The following RNF38 variants were observed in gnomAD, a reference collection of about 807,000 sequenced individuals.
The protein encoded by RNF38 is ring finger protein 38.
A neutral mutation model predicts 67.2 loss-of-function variants in RNF38; 15 were observed. The observed-to-expected ratio is 0.22, with a 90% CI of 0.15 to 0.34. The LOEUF (loss-of-function observed/expected upper bound fraction) is 0.34, where lower values mean the gene tolerates loss of function less well. Ranked by LOEUF, RNF38 falls within the 10% of genes least tolerant of loss-of-function variation. RNF38 has a pLI of 1.00. For synonymous variants in RNF38, 220 were observed against 218.8 expected (o/e 1.01, Z -0.05); for missense variants, 524 against 639.9 (o/e 0.82, Z 1.95).
chr9:36,485,020 T>C (rs1299233709), intron 1 of RNF38, among the ~76,000 whole-genome samples: 2 of 151,846 alleles, frequency 1.3e-5, no homozygotes, highest in Non-Finnish European at 2.9e-5. Context: ...CAAAAAAAAA[T>C]TAGCCGGGCA....
At chr9:36,468,486 T>A (rs1303145128) in intron 1 of RNF38, among the ~76,000 whole-genome samples, 2 of 152,072 alleles carry the variant, frequency 1.3e-5, no homozygotes, top group East Asian at 1.9e-4. Flanking sequence ...AGAAAAGATA[T>A]CCAGCCCAGA....
chr9:36,343,136 T>C (rs1354715855), intron 10 of RNF38, among the ~76,000 whole-genome samples: 1 of 152,226 alleles, frequency 6.6e-6, no homozygotes, highest in Non-Finnish European at 1.5e-5. Context: ...ATTGTTATTT[T>C]CTATTTTTAT....
rs762544541 is a variant in RNF38 at position 36,352,816 on chromosome 9, T to C, written c.1104A>G (p.Thr368=). Residue 368 remains threonine, a synonymous_variant, in exon 8 of 12, where the codon ACA becomes ACG. Coordinates refer to ENST00000259605, the MANE Select transcript of RNF38 (RefSeq NM_022781.5). ...PYPPFMPRRL[T]GRSRYRSQQP... is the part of the protein sequence containing the mutation. The stretch of plus-strand genomic sequence containing the variant: ...GCTGGGATCGGTATCTACTACGTCC[T>C]GTAAGCCTCCGAGGCATAAATGGAG... 1.2e-6 allele frequency: 2 copies of C among 1,614,036 alleles called. No individual in the cohort carries two copies. Among genetic ancestry groups the C allele is most frequent in the South Asian group, 2.2e-5 (2 of 91,066 alleles).
intron 6 of RNF38, 31 bp from the exon 7 acceptor site, chr9:36,353,362 G>A (rs1564002391): frequency 7.6e-6 from 10 of 1,315,484 alleles, no homozygotes; most frequent in South Asian, 1.5e-5. Flanking sequence ...ACACATATAT[G>A]TATATATATA....
chr9:36,369,113 C>T (rs1461448023), intron 4 of RNF38, among the ~76,000 whole-genome samples: 1 of 152,104 alleles, frequency 6.6e-6, no homozygotes, highest in African/African-American at 2.4e-5. Flanking sequence ...TTGAATTATT[C>T]CAGAAGAAAC....
chr9:36,402,455 T>C (rs1838072492), upstream of RNF38, among the ~76,000 whole-genome samples: 1 of 151,474 alleles, frequency 6.6e-6, no homozygotes, highest in Non-Finnish European at 1.5e-5. Context: ...TACTGTGGAT[T>C]CGCCTTCCAA....
chr9:36,397,103 TG>T (rs1292870727), intron 1 of RNF38, among the ~76,000 whole-genome samples: 344 of 118,498 alleles, frequency 2.9e-3, no homozygotes, highest in Middle Eastern at 0.016. Flanking sequence ...ATATATGTTT[TG>T]TTTTTTTTTT....
chr9:36,376,888 G>T (rs9407036), intron 2 of RNF38, among the ~76,000 whole-genome samples: 7,919 of 144,508 alleles, frequency 0.055, 658 homozygotes, highest in African/African-American at 0.18. Flanking sequence ...ATCACGCCAT[G>T]GCACCCCAGC....
intron 1 of RNF38, among the ~76,000 whole-genome samples, chr9:36,476,198 C>T (rs1466412735): frequency 2.0e-5 from 3 of 152,104 alleles, no homozygotes; most frequent in African/African-American, 7.2e-5. Context: ...GATCTCGACT[C>T]ACTGCAACCA....
chr9:36,409,325 A>AAAAG (rs1205175097), intron 2 of RNF38, among the ~76,000 whole-genome samples: 66 of 140,024 alleles, frequency 4.7e-4, no homozygotes, highest in East Asian at 2.9e-3. Flanking sequence ...GAAAGAAAGA[A>AAAAG]AAAGAAAGAA....
At chr9:36,429,227 G>A (rs1298949503) in intron 1 of RNF38, among the ~76,000 whole-genome samples, 1 of 152,132 alleles carries the variant, frequency 6.6e-6, no homozygotes. Flanking sequence ...GATGAAAAAA[G>A]AATCCCATTG....
chr9:36,429,899 T>C (rs377476508), intron 1 of RNF38, among the ~76,000 whole-genome samples: 264 of 152,362 alleles, frequency 1.7e-3, no homozygotes, highest in African/African-American at 6.0e-3. Flanking sequence ...TTTTTCCTGA[T>C]ATTTTCCATG....
At chr9:36,462,469 A>C (rs1437242986) in intron 1 of RNF38, among the ~76,000 whole-genome samples, 1 of 152,144 alleles carries the variant, frequency 6.6e-6, no homozygotes, top group East Asian at 1.9e-4. Flanking sequence ...CAGTGATCTC[A>C]TCTCATTCAG....
rs539766222 is a variant in RNF38 at position 36,393,082 on chromosome 9, C to T, written c.13-2466G>A. On this transcript the variant is annotated intron_variant, in intron 1 of 11. Coordinates refer to ENST00000259605, the MANE Select transcript of RNF38 (RefSeq NM_022781.5). ...AGCTTTTCATTTGCTCATTATGTATCCTTTGTAGCGTGTTATCCTAAGGCC... is the reference window on the plus strand; with the variant it reads ...AGCTTTTCATTTGCTCATTATGTATTCTTTGTAGCGTGTTATCCTAAGGCC... 6.6e-5 allele frequency among the ~76,000 whole-genome samples: 10 copies of T among 152,266 alleles called. No homozygotes were observed. The South Asian group carries it at 2.1e-3, about 32-fold the overall frequency.
At chr9:36,427,769 G>A (rs886331151) in intron 1 of RNF38, among the ~76,000 whole-genome samples, 3 of 151,828 alleles carry the variant, frequency 2.0e-5, no homozygotes, top group Non-Finnish European at 4.4e-5. Flanking sequence ...GGAGGGTAGT[G>A]GTGCGATCTT....
intron 1 of RNF38, chr9:36,487,227 G>C (rs1204203072): frequency 1.2e-6 from 1 of 865,038 alleles, no homozygotes; most frequent in Non-Finnish European, 1.4e-6. Context: ...GGGGCCGGGC[G>C]CCTGGACCAC....
At position 36,351,209 on chromosome 9, in the gene RNF38, A is replaced by C. The variant is rs1413611403; in HGVS notation, c.1179-10T>G. On this transcript the variant is annotated splice_polypyrimidine_tract_variant and intron_variant, in intron 8 of 11. Coordinates refer to ENST00000259605, the MANE Select transcript of RNF38 (RefSeq NM_022781.5). Reference sequence around the variant, plus strand: ...CACTGGAAGCATTGATCTGCAGTGAAAACAATCACACTAGCATTGATATGT... The same window carrying C: ...CACTGGAAGCATTGATCTGCAGTGACAACAATCACACTAGCATTGATATGT... The C allele has an allele frequency of 1.3e-6, 2 of 1,593,952 alleles. No homozygotes were observed. Among genetic ancestry groups the C allele is most frequent in the South Asian group, 1.1e-5 (1 of 90,022 alleles).
At chr9:36,382,512 AAAAC>A (rs1388095228) in intron 2 of RNF38, among the ~76,000 whole-genome samples, 1 of 152,174 alleles carries the variant, frequency 6.6e-6, no homozygotes, top group Non-Finnish European at 1.5e-5. Flanking sequence ...AGGCTAAAGA[AAAAC>A]AATTTTATAT....
chr9:36,358,469 A>G (rs555672553), intron 4 of RNF38, among the ~76,000 whole-genome samples: 1 of 152,358 alleles, frequency 6.6e-6, no homozygotes, highest in Admixed American at 6.5e-5. Context: ...ACAATTACAT[A>G]TAAAATGTCA....
Sources: gnomAD v4.1 joint callset for allele counts (sites outside exome capture counted in the v4.1 genomes callset) on GRCh38, gnomAD v4.1.1 for gene constraint, MANE v1.5 for transcripts, NCBI Gene and HGNC (gene_info 2026-07-23, HGNC 2026-07-21) for gene names.